The following RANBP2 variants were observed in gnomAD, a reference collection of about 807,000 sequenced individuals.
RANBP2 encodes RAN binding protein 2.
A neutral mutation model predicts 303.6 loss-of-function variants in RANBP2; 57 were observed. That is an observed-to-expected ratio of 0.19 (90% CI 0.15 to 0.23). The LOEUF (loss-of-function observed/expected upper bound fraction) is 0.23, where lower values mean the gene tolerates loss of function less well. Among genes scored for constraint, RANBP2 ranks in the 10% least tolerant of loss-of-function variants. The pLI is 1.00. For synonymous variants in RANBP2, 1,167 were observed against 1,301.5 expected (o/e 0.90, Z 2.23); for missense variants, 3,138 against 3,780.8 (o/e 0.83, Z 4.46).
the RANBP2 span, among the ~76,000 whole-genome samples, chr2:108,902,026 T>A: frequency 2.0e-5 from 3 of 151,156 alleles, no homozygotes; most frequent in African/African-American, 7.3e-5. Flanking sequence ...GACCACAAGG[T>A]CAGGAGTTCA....
At chr2:108,898,994 A>G in the RANBP2 span, among the ~76,000 whole-genome samples, 1 of 152,194 alleles carries the variant, frequency 6.6e-6, no homozygotes, top group African/African-American at 2.4e-5. Context: ...AGAGAGTGGG[A>G]CTAAATAAAT....
At chr2:108,912,591 C>T in the RANBP2 span, 2 of 1,269,524 alleles carry the variant, frequency 1.6e-6, no homozygotes, top group Non-Finnish European at 2.2e-6. Context: ...CCATAATCAT[C>T]ACTCATGATC....
At chr2:109,035,999 G>T in the RANBP2 span, among the ~76,000 whole-genome samples, 1 of 152,188 alleles carries the variant, frequency 6.6e-6, no homozygotes, top group Non-Finnish European at 1.5e-5. Flanking sequence ...CATTTTTCAA[G>T]TTGAAGATAG....
chr2:109,191,314 G>A, the RANBP2 span, among the ~76,000 whole-genome samples: 1 of 152,230 alleles, frequency 6.6e-6, no homozygotes, highest in East Asian at 1.9e-4. Flanking sequence ...CAATGCCCTG[G>A]AGAATCATTA....
chr2:108,911,001 C>A, the RANBP2 span: 1 of 1,614,098 alleles, frequency 6.2e-7, no homozygotes, highest in East Asian at 2.2e-5. Context: ...AGGACGATGG[C>A]GATGGCCATG....
At chr2:109,089,368 C>T in the RANBP2 span, among the ~76,000 whole-genome samples, 3 of 151,552 alleles carry the variant, frequency 2.0e-5, no homozygotes, top group African/African-American at 4.9e-5. Context: ...TTTGGGAGGC[C>T]GAAGTGGGAG....
At chr2:109,676,045 C>T in the RANBP2 span, among the ~76,000 whole-genome samples, 10 of 152,232 alleles carry the variant, frequency 6.6e-5, no homozygotes, top group Admixed American at 3.3e-4. Flanking sequence ...CAACAGACAC[C>T]GGCATGCAAG....
chr2:109,461,387 G>A, the RANBP2 span, among the ~76,000 whole-genome samples: 6 of 151,878 alleles, frequency 4.0e-5, no homozygotes, highest in Admixed American at 6.6e-5. Context: ...AAAGACCTGC[G>A]CGGTGATCCA....
At chr2:109,545,164 C>G in the RANBP2 span, 2 of 985,310 alleles carry the variant, frequency 2.0e-6, no homozygotes, top group Non-Finnish European at 2.4e-6. Context: ...TGCAACGCTG[C>G]TAGCACAGAG....
chr2:109,037,598 G>C, the RANBP2 span, among the ~76,000 whole-genome samples: 1 of 152,108 alleles, frequency 6.6e-6, no homozygotes, highest in Admixed American at 6.6e-5. Context: ...TTAATGTAAA[G>C]TCGGCAAGGT....
chr2:109,636,523 G>A, the RANBP2 span, among the ~76,000 whole-genome samples: 21 of 152,204 alleles, frequency 1.4e-4, no homozygotes, highest in African/African-American at 5.1e-4. Context: ...AGAGACTGTG[G>A]AGCTCTTCCA....
chr2:109,270,275 G>A, the RANBP2 span, among the ~76,000 whole-genome samples: 3 of 152,184 alleles, frequency 2.0e-5, no homozygotes, highest in African/African-American at 4.8e-5. Flanking sequence ...ACCTTAAGGC[G>A]AGTCTGTGGT....
At chr2:109,694,801 ATGTGTGTGTGTGTGTG>A in the RANBP2 span, among the ~76,000 whole-genome samples, 33 of 146,332 alleles carry the variant, frequency 2.3e-4, no homozygotes, top group African/African-American at 7.2e-4. Flanking sequence ...ATCCATAGGG[ATGTGTGTGTGTGTGTG>A]TGTGTGTGTG....
At chr2:109,673,309 G>A in the RANBP2 span, among the ~76,000 whole-genome samples, 3 of 152,204 alleles carry the variant, frequency 2.0e-5, no homozygotes, top group South Asian at 6.2e-4. Context: ...TATTTCCGTA[G>A]TAGGTCTTGT....
At chr2:109,414,451 C>G in the RANBP2 span, among the ~76,000 whole-genome samples, 1 of 152,092 alleles carries the variant, frequency 6.6e-6, no homozygotes, top group African/African-American at 2.4e-5. Context: ...GTAAACCTGG[C>G]CCCTGTTACC....
chr2:109,484,547 C>T, the RANBP2 span, among the ~76,000 whole-genome samples: 2 of 152,168 alleles, frequency 1.3e-5, no homozygotes, highest in African/African-American at 4.8e-5. Flanking sequence ...GAGGCCCGCC[C>T]CCTCCTGTGG....
the RANBP2 span, among the ~76,000 whole-genome samples, chr2:109,009,376 A>G: frequency 1.3e-5 from 2 of 151,858 alleles, no homozygotes; most frequent in African/African-American, 4.8e-5. Flanking sequence ...TAGTAATAAT[A>G]ACATATTTTT....
At chr2:109,682,975 C>T in the RANBP2 span, among the ~76,000 whole-genome samples, 6 of 152,152 alleles carry the variant, frequency 3.9e-5, no homozygotes, top group African/African-American at 1.4e-4. Flanking sequence ...CCACACTTCC[C>T]CATCTCCCTT....
At chr2:109,493,706 A>G in the RANBP2 span, among the ~76,000 whole-genome samples, 1 of 151,766 alleles carries the variant, frequency 6.6e-6, no homozygotes, top group Non-Finnish European at 1.5e-5. Context: ...CACACCATAC[A>G]TACACACCAT....
Sources: allele counts gnomAD v4.1 joint callset (sites outside exome capture counted in the v4.1 genomes callset), GRCh38; gene constraint gnomAD v4.1.1; transcripts MANE v1.5; gene names NCBI Gene and HGNC (gene_info 2026-07-23, HGNC 2026-07-21).